ANKRD13A: variants seen among roughly 807,000 people sequenced by gnomAD.
ANKRD13A encodes the protein ankyrin repeat domain 13A.
Under a neutral mutation model 81.3 loss-of-function variants are expected in ANKRD13A, and 48 were observed. The ratio of observed to expected loss-of-function variants is 0.59; its 90% CI spans 0.47 to 0.75. ANKRD13A has a LOEUF of 0.75. Among genes scored for constraint, ANKRD13A ranks in the 30% least tolerant of loss-of-function variants. The probability of loss-of-function intolerance (pLI) is 0.00; values close to 1 mark genes in which losing one functional copy is unlikely to be tolerated. For missense variants in ANKRD13A, 612 were observed against 734.0 expected (o/e 0.83, Z 1.92); for synonymous variants, 230 against 270.1 (o/e 0.85, Z 1.45).
chr12:109,999,867 GC>G lies in ANKRD13A; in HGVS notation c.96+86del. The G allele has an allele frequency of 7.8e-7, 1 of 1,276,776 alleles. No homozygotes were observed. 79.1% of individuals were successfully genotyped at this position (1,276,776 alleles called of 1,614,324 possible). A position where few individuals can be genotyped will look rare whatever the true frequency, so the allele number is the denominator to read the frequency against. ...TTTCGCCTCCCTGAGCCCATTTCCA[GC>G]CCTCTGTCCCCGGGATCCCCAGACC... On this transcript the variant is annotated intron_variant, in intron 1 of 14. Coordinates refer to ENST00000261739, the MANE Select transcript of ANKRD13A (RefSeq NM_033121.2). This position sits in a 1 kb window ranked among gnomAD's most constrained non-coding sequence, Gnocchi z 4.3.
At chr12:110,032,363 T>C (rs989683938) in intron 12 of ANKRD13A, 2 of 152,224 alleles carry the variant, frequency 1.3e-5, no homozygotes, top group African/African-American at 4.8e-5. Flanking sequence ...AATTAAAAGA[T>C]AGCATTTTAA....
intron 13 of ANKRD13A, among the ~76,000 whole-genome samples, chr12:110,034,203 A>G (rs1419376860): frequency 6.6e-6 from 1 of 152,154 alleles, no homozygotes; most frequent in East Asian, 1.9e-4. Flanking sequence ...TTTTCCTCAT[A>G]TTCACGCACA....
rs1246205701 is a variant in ANKRD13A, at chr12:110,018,189, T to A, written c.401-156T>A. On this transcript the variant is annotated intron_variant, in intron 4 of 14. Transcript: ENST00000261739. This position sits in a 1 kb window ranked among gnomAD's most constrained non-coding sequence, Gnocchi z 4.4. ...TTCATTTTTATTTTTCAAGAGTGAT[T>A]TCCTGTATGGTAAATATGAAAGCCA... 6.6e-6 allele frequency among the ~76,000 whole-genome samples: 1 copy of A among 152,198 alleles called. No homozygotes were observed. The highest frequency in any genetic ancestry group is 1.5e-5 in the Non-Finnish European group (1 of 68,028).
Position 110,036,083 on chromosome 12 carries a change from C to G in ANKRD13A, c.1510-178C>G, listed in dbSNP as rs553462321. ...GAGTTAGGCTGTGGCATGTTACTAC[C>G]TCCCACTTAGGTGTTGTTTTTGAGG... On this transcript the variant is annotated intron_variant, in intron 13 of 14. Transcript: ENST00000261739. This position sits in a 1 kb window ranked among gnomAD's most constrained non-coding sequence, Gnocchi z 4.6. The G allele has an allele frequency of 1.0e-4, 60 of 598,774 alleles. 1 individual carries two copies. The South Asian group carries it at 1.1e-3, about 11-fold the overall frequency. The allele number at this position is 598,774 out of a possible 1,614,324, so 37.1% of individuals were successfully genotyped here.
rs143644838 is a variant in ANKRD13A at position 110,013,231 on chromosome 12, G to A, written c.336G>A (p.Leu112=). Reference sequence around the variant, plus strand: ...TGGCCCTTGAGGGAGTTCCTGAGCTGCTCCAAAAAATTCTCGAGGTATCCA... The same window carrying A: ...TGGCCCTTGAGGGAGTTCCTGAGCTACTCCAAAAAATTCTCGAGGTATCCA... The part of the protein sequence containing the change: ...TSMALEGVPE[L]LQKILEAPDF... Residue 112 remains leucine, a synonymous_variant, in exon 3 of 15, where the codon CTG becomes CTA. Coordinates refer to ENST00000261739, the MANE Select transcript of ANKRD13A (RefSeq NM_033121.2). 130 of 1,613,838 alleles carry A rather than the reference G, an allele frequency of 8.1e-5. No individual in the cohort carries two copies. Among genetic ancestry groups the A allele is most frequent in the Non-Finnish European group, 1.1e-4 (125 of 1,179,974 alleles).
intron 1 of ANKRD13A, among the ~76,000 whole-genome samples, chr12:110,007,108 G>T (rs1769454464): frequency 6.6e-6 from 1 of 152,180 alleles, no homozygotes; most frequent in Admixed American, 6.6e-5. Flanking sequence ...GTAGCTTTGT[G>T]TAGTACGTTT....
chr12:110,023,425 TA>T (rs910068249), intron 6 of ANKRD13A, among the ~76,000 whole-genome samples: 37 of 152,290 alleles, frequency 2.4e-4, no homozygotes, highest in Middle Eastern at 3.4e-3. Flanking sequence ...ACAGCTGGGC[TA>T]AAAAAATCTG....
Position 110,019,192 on chromosome 12 carries a change from G to C in ANKRD13A, c.598G>C (p.Glu200Gln), listed in dbSNP as rs759400191. The change falls in exon 6 of 15, where the codon GAA becomes CAA. Residue 200 changes from glutamate (E) to glutamine (Q), a missense_variant. Physicochemically the swap from Glu to Gln is conservative, Grantham distance 29. Transcript: ENST00000261739. ...VNHDDKVVTTERFDLSQEMER... is the reference protein window; with the variant it reads ...VNHDDKVVTTQRFDLSQEMER... ...CCATGATGACAAAGTGGTCACCACC[G>C]AACGCTTCGACCTTTCCCAAGAAAT... 6.2e-7 allele frequency: 1 copy of C among 1,613,570 alleles called. No individual in the cohort carries two copies. The highest frequency in any genetic ancestry group is 8.5e-7 in the Non-Finnish European group (1 of 1,179,630).
intron 6 of ANKRD13A, chr12:110,022,561 GC>G (rs1891136536): frequency 6.6e-6 from 1 of 152,256 alleles, no homozygotes; most frequent in African/African-American, 2.4e-5. Flanking sequence ...AAAGCATAGC[GC>G]CGTCTTCCCA....
chr12:110,016,766 ATTTTAT>A (rs1383453248), intron 4 of ANKRD13A, among the ~76,000 whole-genome samples: 4 of 151,350 alleles, frequency 2.6e-5, no homozygotes, highest in Non-Finnish European at 4.4e-5. Flanking sequence ...TTTATTTTTT[ATTTTAT>A]TTTTATTTTT....
At chr12:110,008,861 G>T (rs922288473) in intron 1 of ANKRD13A, among the ~76,000 whole-genome samples, 1 of 152,118 alleles carries the variant, frequency 6.6e-6, no homozygotes, top group Non-Finnish European at 1.5e-5. Flanking sequence ...CTCCAGCCTG[G>T]GCGACAGAGC....
intron 1 of ANKRD13A, among the ~76,000 whole-genome samples, chr12:110,003,220 G>T (rs940045128): frequency 6.6e-6 from 1 of 152,194 alleles, no homozygotes; most frequent in Non-Finnish European, 1.5e-5. Flanking sequence ...GGTGGCAAAT[G>T]AGGCCTGACT....
intron 11 of ANKRD13A, among the ~76,000 whole-genome samples, chr12:110,030,172 CTT>C (rs111243781): frequency 1.4e-5 from 2 of 143,714 alleles, no homozygotes; most frequent in Non-Finnish European, 1.5e-5. Flanking sequence ...CTCATTTTCT[CTT>C]TTTTTTTTTT....
Position 110,018,244 on chromosome 12 carries a change from TGCCACTCCC to T in ANKRD13A, c.401-100_401-92del. 1 of 1,287,102 alleles carries T rather than the reference TGCCACTCCC, an allele frequency of 7.8e-7. No homozygotes were observed. The highest frequency in any genetic ancestry group is 1.5e-5 in the South Asian group (1 of 65,504). The allele number at this position is 1,287,102 out of a possible 1,614,324, so 79.7% of individuals were successfully genotyped here. A position where few individuals can be genotyped will look rare whatever the true frequency, so the allele number is the denominator to read the frequency against. On this transcript the variant is annotated intron_variant, in intron 4 of 14. Coordinates refer to ENST00000261739, the MANE Select transcript of ANKRD13A (RefSeq NM_033121.2). This position sits in a 1 kb window ranked among gnomAD's most constrained non-coding sequence, Gnocchi z 4.4. Reference sequence around the variant, plus strand: ...GTCCGTTGTTTGATGGTCACCATCTTGCCACTCCCCTCCTTTTATTAAATCAGAATCCTG... The same window carrying T: ...GTCCGTTGTTTGATGGTCACCATCTTCTCCTTTTATTAAATCAGAATCCTG...
chr12:110,013,444 A>C (rs995792773), intron 3 of ANKRD13A, among the ~76,000 whole-genome samples, 195 bp downstream of exon 3: 1 of 152,204 alleles, frequency 6.6e-6, no homozygotes, highest in Non-Finnish European at 1.5e-5. Flanking sequence ...TTACACTTCT[A>C]AGTCACTGGG....
Position 110,036,421 on chromosome 12 carries a change from G to T in ANKRD13A, c.1577+93G>T. ...CGTGGCACTGTGCATTTGGTCCTCA[G>T]GCAGATGTACGGTGCCACAAACTGG... On this transcript the variant is annotated intron_variant, in intron 14 of 14. Transcript: ENST00000261739. This position sits in a 1 kb window ranked among gnomAD's most constrained non-coding sequence, Gnocchi z 4.6. 2.2e-6 allele frequency: 3 copies of T among 1,335,622 alleles called. No homozygotes were observed. The highest frequency in any genetic ancestry group is 3.2e-6 in the Non-Finnish European group (3 of 928,660). 82.7% of individuals were successfully genotyped at this position (1,335,622 alleles called of 1,614,324 possible). A position where few individuals can be genotyped will look rare whatever the true frequency, so the allele number is the denominator to read the frequency against.
intron 6 of ANKRD13A, chr12:110,021,961 T>C (rs1891101060): frequency 6.6e-6 from 1 of 151,368 alleles, no homozygotes; most frequent in Admixed American, 6.6e-5. Flanking sequence ...CAAGACACAG[T>C]GCCTGTGAAG....
At position 109,999,756 on chromosome 12, in the gene ANKRD13A, G is replaced by A; in HGVS notation, c.68G>A (p.Arg23Gln). Residue 23 changes from arginine to glutamine, a missense_variant, in exon 1 of 15, where the codon CGG becomes CAG. Arg to Gln is a conservative substitution (Grantham distance 43). Transcript: ENST00000261739. This position sits in a 1 kb window ranked among gnomAD's most constrained non-coding sequence, Gnocchi z 4.3. ...LHLLVWKNDY[R>Q]QLEKELQGQN... ...CTCCTAGTCTGGAAAAACGACTACC[G>A]GCAGCTCGAGAAGGAGCTGCAGGGC... The A allele has an allele frequency of 2.0e-6, 3 of 1,530,806 alleles. No homozygotes were observed. The highest frequency in any genetic ancestry group is 1.4e-5 in the African/African-American group (1 of 71,656). 94.8% of individuals were successfully genotyped at this position (1,530,806 alleles called of 1,614,324 possible).
chr12:110,027,655 G>A, intron 8 of ANKRD13A, 50 bp from the exon 9 acceptor site: 1 of 1,555,340 alleles, frequency 6.4e-7, no homozygotes, highest in Non-Finnish European at 8.8e-7. Flanking sequence ...TTTTTTTATA[G>A]CCACAAGTGA....
Sources: allele counts gnomAD v4.1 joint callset (sites outside exome capture counted in the v4.1 genomes callset), GRCh38; gene constraint gnomAD v4.1.1; non-coding constraint Gnocchi (gnomAD v3.1); transcripts MANE v1.5; gene names NCBI Gene and HGNC (gene_info 2026-07-23, HGNC 2026-07-21).